VPS13D: variants seen among roughly 807,000 people sequenced by gnomAD.
VPS13D encodes the protein vacuolar protein sorting 13 homolog D, also known as intermembrane lipid transfer protein VPS13D.
Under a neutral mutation model 461.9 loss-of-function variants are expected in VPS13D, and 187 were observed. The ratio of observed to expected loss-of-function variants is 0.40; its 90% CI spans 0.36 to 0.46. The LOEUF (loss-of-function observed/expected upper bound fraction) is 0.46, where lower values mean the gene tolerates loss of function less well. Among genes scored for constraint, VPS13D ranks in the 20% least tolerant of loss-of-function variants. The pLI is 0.60. For synonymous variants in VPS13D, 1,951 were observed against 1,986.3 expected (o/e 0.98, Z 0.47); for missense variants, 4,711 against 5,364.9 (o/e 0.88, Z 3.81).
chr1:12,232,689 A>G (rs372239728), intron 1 of VPS13D, among the ~76,000 whole-genome samples: 1 of 107,742 alleles, frequency 9.3e-6, no homozygotes, highest in Non-Finnish European at 1.7e-5. Context: ...ACCAGTTATT[A>G]TAACAGGCAG....
chr1:12,473,222 C>A lies in VPS13D; in HGVS notation c.12662+12826C>A, dbSNP rs574548602. ...TGAAAGTTTTCTTATCTTGACACTC[C>A]AAGGGCAAGAGGTCTTTCTTCAAAG... On this transcript the variant is annotated intron_variant, in intron 67 of 69. Coordinates refer to ENST00000620676, the MANE Select transcript of VPS13D (RefSeq NM_015378.4). This position sits in a 1 kb window ranked among gnomAD's most constrained non-coding sequence, Gnocchi z 4.2. Among the ~76,000 whole-genome samples the A allele has an allele frequency of 1.4e-3, 216 of 152,258 alleles. No homozygotes were observed. Among genetic ancestry groups the A allele is most frequent in the Non-Finnish European group, 2.7e-3 (185 of 68,028 alleles).
intron 20 of VPS13D, 105 bp from the exon 21 acceptor site, chr1:12,282,591 CAGGTAACTT>C (rs1268132181): frequency 2.2e-5 from 22 of 1,003,814 alleles, no homozygotes; most frequent in Non-Finnish European, 3.3e-5. Context: ...TCTTTGCTAT[CAGGTAACTT>C]ACAGCCTCAT....
At chr1:12,483,013 T>C (rs1264766205) in intron 67 of VPS13D, among the ~76,000 whole-genome samples, 1 of 152,362 alleles carries the variant, frequency 6.6e-6, no homozygotes, top group South Asian at 2.1e-4. Context: ...CCTCTACATA[T>C]ATCCCATCTT....
Position 12,316,366 on chromosome 1 carries a change from A to G in VPS13D, c.7149-1706A>G, listed in dbSNP as rs1642887260. The stretch of plus-strand genomic sequence containing the variant: ...TGAACGCCTTTCGTGTCTGAAGAAG[A>G]ATTACTCTTCTGTTGGGATCTTGTG... On this transcript the variant is annotated intron_variant, in intron 30 of 69. Transcript: ENST00000620676. 2.0e-5 allele frequency among the ~76,000 whole-genome samples: 3 copies of G among 152,316 alleles called. 1 individual carries two copies. Among genetic ancestry groups the G allele is most frequent in the Admixed American group, 6.5e-5 (1 of 15,300 alleles).
At chr1:12,332,902 C>G (rs1241917546) in intron 37 of VPS13D, among the ~76,000 whole-genome samples, 1 of 152,150 alleles carries the variant, frequency 6.6e-6, no homozygotes, top group African/African-American at 2.4e-5. Flanking sequence ...GTCTGAGACT[C>G]CTTTTTCCAT....
Position 12,308,517 on chromosome 1 carries a change from T to A in VPS13D, c.6526T>A (p.Ser2176Thr). 2 of 1,614,174 alleles carry A rather than the reference T, an allele frequency of 1.2e-6. No individual in the cohort carries two copies. Among genetic ancestry groups the A allele is most frequent in the Non-Finnish European group, 1.7e-6 (2 of 1,180,028 alleles). ...FAAERHPREY[S>T]KAPEDSSGDL... Reference sequence around the variant, plus strand: ...TGCAGAGAGACATCCGAGAGAATACTCGAAGGCACCAGAGGATAGTAGTGG... The same window carrying A: ...TGCAGAGAGACATCCGAGAGAATACACGAAGGCACCAGAGGATAGTAGTGG... The change falls in exon 27 of 70, where the codon TCG becomes ACG. Residue 2176 changes from serine to threonine, a missense_variant. By Grantham distance (58) the Ser-to-Thr change is moderately conservative. Transcript: ENST00000620676.
chr1:12,349,403 A>C lies in VPS13D; in HGVS notation c.9431+29A>C. ...TGTAGCACCACTGCAGTGACATGTC[A>C]CTTTTGCCTTTTTTTTTTCTTTTGG... On this transcript the variant is annotated intron_variant, in intron 46 of 69. Transcript: ENST00000620676. 9.4e-6 allele frequency: 15 copies of C among 1,592,350 alleles called. No homozygotes were observed. In the South Asian group the frequency reaches 1.0e-4, roughly 11 times the overall value.
At chr1:12,451,022 AG>A (rs1645256157) in intron 65 of VPS13D, among the ~76,000 whole-genome samples, 1 of 152,238 alleles carries the variant, frequency 6.6e-6, no homozygotes, top group East Asian at 1.9e-4. Context: ...GAGAAATTCA[AG>A]CCCCAGCTCC....
chr1:12,325,264 T>C (rs1228820404), intron 35 of VPS13D, among the ~76,000 whole-genome samples: 3 of 150,398 alleles, frequency 2.0e-5, no homozygotes, highest in Admixed American at 6.7e-5. Context: ...CTACTTCTCT[T>C]TTTTTTTTTC....
At chr1:12,433,494 T>C (rs1645019503) in intron 65 of VPS13D, among the ~76,000 whole-genome samples, 1 of 152,192 alleles carries the variant, frequency 6.6e-6, no homozygotes, top group Non-Finnish European at 1.5e-5. Context: ...TTCGGAAAGT[T>C]ATCTGTGAAG....
chr1:12,368,174 T>C (rs996100573), intron 52 of VPS13D, among the ~76,000 whole-genome samples: 9 of 152,200 alleles, frequency 5.9e-5, no homozygotes, highest in African/African-American at 2.2e-4. Flanking sequence ...TCTGTATATA[T>C]ACACACACAC....
chr1:12,344,300 G>A (rs1186000025), intron 42 of VPS13D, among the ~76,000 whole-genome samples: 1 of 152,152 alleles, frequency 6.6e-6, no homozygotes, highest in Non-Finnish European at 1.5e-5. Flanking sequence ...GTTCCTGAGT[G>A]TAAACTTGCT....
At chr1:12,253,947 T>A in intron 7 of VPS13D, 121 bp downstream of exon 7, 1 of 729,040 alleles carries the variant, frequency 1.4e-6, no homozygotes, top group Non-Finnish European at 2.4e-6. Flanking sequence ...ACTGTTCCTC[T>A]AAAGCCATTC....
chr1:12,367,344 CATT>C (rs1016314245), intron 52 of VPS13D, among the ~76,000 whole-genome samples: 3 of 152,124 alleles, frequency 2.0e-5, no homozygotes, highest in Non-Finnish European at 2.9e-5. Flanking sequence ...CTGTTGGTCT[CATT>C]ATTGTTGGTG....
At chr1:12,478,294 G>A (rs917542180) in intron 67 of VPS13D, among the ~76,000 whole-genome samples, 2 of 152,278 alleles carry the variant, frequency 1.3e-5, no homozygotes, top group Non-Finnish European at 2.9e-5. Context: ...GCCGAGGAAT[G>A]CGGCTTCAGG....
chr1:12,308,913 G>A (rs1324872642), intron 27 of VPS13D, among the ~76,000 whole-genome samples: 2 of 152,182 alleles, frequency 1.3e-5, no homozygotes, highest in Non-Finnish European at 2.9e-5. Flanking sequence ...CCAAAGTGCT[G>A]GGATTACAGG....
intron 67 of VPS13D, among the ~76,000 whole-genome samples, chr1:12,465,996 G>A (rs930520481): frequency 2.0e-5 from 3 of 152,062 alleles, no homozygotes; most frequent in South Asian, 2.1e-4. Context: ...TTAGCTGGGC[G>A]TGGTGGTGCG....
chr1:12,506,325 G>A lies in VPS13D; in HGVS notation c.12795-528G>A, dbSNP rs114475846. ...AGATGACAGTTTTACCTAAGAAAGCGTTTTCTGACTCTTTGAGTTTTCTGA... is the reference window on the plus strand; with the variant it reads ...AGATGACAGTTTTACCTAAGAAAGCATTTTCTGACTCTTTGAGTTTTCTGA... On this transcript the variant is annotated intron_variant, in intron 68 of 69. Transcript: ENST00000620676. Among the ~76,000 whole-genome samples the A allele has an allele frequency of 1.3e-3, 200 of 152,332 alleles. 2 individuals are homozygous for A. Among genetic ancestry groups the A allele is most frequent in the African/African-American group, 4.4e-3 (182 of 41,568 alleles).
intron 63 of VPS13D, among the ~76,000 whole-genome samples, chr1:12,404,352 A>G (rs1644621466): frequency 6.6e-6 from 1 of 152,118 alleles, no homozygotes; most frequent in African/African-American, 2.4e-5. Flanking sequence ...TCAAGACAGC[A>G]TCTTCTTTTT....
Sources: allele counts gnomAD v4.1 joint callset (sites outside exome capture counted in the v4.1 genomes callset), GRCh38; gene constraint gnomAD v4.1.1; non-coding constraint Gnocchi (gnomAD v3.1); transcripts MANE v1.5; gene names NCBI Gene and HGNC (gene_info 2026-07-23, HGNC 2026-07-21).